The following SDK1 variants were observed in gnomAD, a reference collection of about 807,000 sequenced individuals.
SDK1 encodes the protein sidekick cell adhesion molecule 1.
SDK1 carries 157 observed loss-of-function variants against 245.5 expected under a neutral mutation model. That is an observed-to-expected ratio of 0.64 (90% CI 0.56 to 0.73). The LOEUF is 0.73. SDK1 is among the 30% of genes least tolerant of loss of function. SDK1 has a pLI of 0.00. For synonymous variants in SDK1, 1,647 were observed against 1,278.5 expected (o/e 1.29, Z -6.15); for missense variants, 3,583 against 3,002.3 (o/e 1.19, Z -4.52).
chr7:3,312,110 A>C (rs1029784193), intron 1 of SDK1, among the ~76,000 whole-genome samples: 2 of 152,202 alleles, frequency 1.3e-5, no homozygotes, highest in African/African-American at 2.4e-5. Context: ...ATTAGGAATA[A>C]AAAAGGGACA....
intron 1 of SDK1, among the ~76,000 whole-genome samples, chr7:3,453,368 A>G (rs1003825521): frequency 2.0e-5 from 3 of 152,236 alleles, no homozygotes; most frequent in East Asian, 3.8e-4. Context: ...TGGTATCCAC[A>G]TCAAATCCCT....
chr7:4,094,448 C>A (rs1426614411), intron 22 of SDK1, among the ~76,000 whole-genome samples: 1 of 152,192 alleles, frequency 6.6e-6, no homozygotes, highest in Admixed American at 6.5e-5. Flanking sequence ...GCTCTACTCA[C>A]CCCTCCAATC....
chr7:3,471,270 C>T (rs187450882), intron 1 of SDK1, among the ~76,000 whole-genome samples: 1 of 152,114 alleles, frequency 6.6e-6, no homozygotes, highest in Admixed American at 6.5e-5. Context: ...ATTGGTTTGG[C>T]AAGAGGAATA....
At chr7:3,418,965 G>A (rs193234330) in intron 1 of SDK1, among the ~76,000 whole-genome samples, 1 of 152,166 alleles carries the variant, frequency 6.6e-6, no homozygotes, top group Non-Finnish European at 1.5e-5. Context: ...AGCTCTTGTA[G>A]GGACCATGTT....
At chr7:3,806,278 TCTA>T (rs1779241781) in intron 4 of SDK1, among the ~76,000 whole-genome samples, 1 of 140,176 alleles carries the variant, frequency 7.1e-6, no homozygotes, top group African/African-American at 2.6e-5. Flanking sequence ...GTAACGTATC[TCTA>T]GGATGTGGAT....
intron 5 of SDK1, among the ~76,000 whole-genome samples, chr7:3,888,306 T>C (rs1781382721): frequency 6.6e-6 from 1 of 152,224 alleles, no homozygotes; most frequent in Admixed American, 6.5e-5. Flanking sequence ...TTTCATCATA[T>C]TGTCCCATCC....
At chr7:3,707,789 T>C (rs376738568) in intron 4 of SDK1, among the ~76,000 whole-genome samples, 7 of 152,350 alleles carry the variant, frequency 4.6e-5, no homozygotes, top group African/African-American at 1.7e-4. Flanking sequence ...CATCCTCTTA[T>C]CATTACATAA....
In SDK1 at chr7:3,779,764, C is replaced by G. The variant is rs1199275902; in HGVS notation, c.714-41686C>G. Among the ~76,000 whole-genome samples the G allele has an allele frequency of 4.0e-4, 61 of 151,582 alleles. 1 individual carries two copies. Among genetic ancestry groups the G allele is most frequent in the South Asian group, 4.2e-4 (2 of 4,784 alleles). On this transcript the variant is annotated intron_variant, in intron 4 of 44. Coordinates refer to ENST00000404826, the MANE Select transcript of SDK1 (RefSeq NM_152744.4). ...TGGCTAACAAGGTGAAACCCCGTCTCTACTGGAAATACAAAAAATTAGCCG... is the reference window on the plus strand; with the variant it reads ...TGGCTAACAAGGTGAAACCCCGTCTGTACTGGAAATACAAAAAATTAGCCG...
intron 1 of SDK1, among the ~76,000 whole-genome samples, chr7:3,462,358 CATT>C (rs1780860289): frequency 6.6e-6 from 1 of 152,146 alleles, no homozygotes; most frequent in South Asian, 2.1e-4. Context: ...GGTTGAGTAT[CATT>C]ATAATATCAT....
intron 1 of SDK1, among the ~76,000 whole-genome samples, chr7:3,569,089 A>G (rs559452982): frequency 2.0e-5 from 3 of 146,890 alleles, no homozygotes; most frequent in Non-Finnish European, 4.5e-5. Flanking sequence ...ACGAGTCTGT[A>G]TTTTTTTATA....
intron 1 of SDK1, among the ~76,000 whole-genome samples, chr7:3,512,207 A>G (rs1412532867): frequency 6.6e-6 from 1 of 152,068 alleles, no homozygotes; most frequent in Non-Finnish European, 1.5e-5. Flanking sequence ...CATTGGGATC[A>G]TACAGAATAT....
chr7:4,233,661 A>G (rs916485669), intron 41 of SDK1, among the ~76,000 whole-genome samples: 1 of 152,130 alleles, frequency 6.6e-6, no homozygotes, highest in African/African-American at 2.4e-5. Context: ...GCGGGACGAA[A>G]GGGACACACA....
intron 5 of SDK1, among the ~76,000 whole-genome samples, chr7:3,840,938 G>C (rs924527811): frequency 1.1e-4 from 16 of 152,122 alleles, no homozygotes; most frequent in Non-Finnish European, 1.9e-4. Context: ...AATCCACATC[G>C]ACTTCAGATG....
chr7:3,719,935 C>G (rs903290783), intron 4 of SDK1, among the ~76,000 whole-genome samples: 2 of 151,498 alleles, frequency 1.3e-5, no homozygotes, highest in Non-Finnish European at 2.9e-5. Context: ...CGAGATCGTG[C>G]CACTGCACCC....
At chr7:3,423,921 T>A (rs1468260457) in intron 1 of SDK1, among the ~76,000 whole-genome samples, 1 of 151,316 alleles carries the variant, frequency 6.6e-6, no homozygotes, top group Non-Finnish European at 1.5e-5. Context: ...ACATACTATT[T>A]TTTTTTTTTT....
In SDK1 at chr7:4,036,976, G is replaced by A. The variant is rs733858; in HGVS notation, c.2603-12372G>A. On this transcript the variant is annotated intron_variant, in intron 17 of 44. Transcript: ENST00000404826. ...TGCATTCACTCAGGTGCCCAAAGACGTCATTTAAGAGGCCGTTTTTGATAC... is the reference window on the plus strand; with the variant it reads ...TGCATTCACTCAGGTGCCCAAAGACATCATTTAAGAGGCCGTTTTTGATAC... 2.7e-3 allele frequency among the ~76,000 whole-genome samples: 408 copies of A among 152,250 alleles called. 2 individuals carry two copies. The highest frequency in any genetic ancestry group is 8.3e-3 in the East Asian group (43 of 5,182).
chr7:3,657,200 T>G (rs1261870200), intron 4 of SDK1, among the ~76,000 whole-genome samples: 1 of 152,174 alleles, frequency 6.6e-6, no homozygotes, highest in Non-Finnish European at 1.5e-5. Context: ...TTCGTGCACC[T>G]TAGGGCTGGG....
intron 4 of SDK1, among the ~76,000 whole-genome samples, chr7:3,667,097 A>G (rs1783558048): frequency 6.6e-6 from 1 of 152,232 alleles, no homozygotes; most frequent in Non-Finnish European, 1.5e-5. Flanking sequence ...TAAAAATCCC[A>G]ATGAATTGTG....
chr7:4,095,014 G>A (rs1782055762), intron 22 of SDK1, among the ~76,000 whole-genome samples: 2 of 152,212 alleles, frequency 1.3e-5, no homozygotes, highest in South Asian at 2.1e-4. Flanking sequence ...AGAAAAGAAC[G>A]TTAGCTCTGG....
Sources: gnomAD v4.1 joint callset for allele counts (sites outside exome capture counted in the v4.1 genomes callset) on GRCh38, gnomAD v4.1.1 for gene constraint, MANE v1.5 for transcripts, NCBI Gene and HGNC (gene_info 2026-07-23, HGNC 2026-07-21) for gene names.